ALDOA: variants seen among roughly 807,000 people sequenced by gnomAD.
ALDOA encodes fructose-bisphosphate aldolase A.
In ALDOA, 26 loss-of-function variants were observed where a neutral mutation model predicts 43.9. The ratio of observed to expected loss-of-function variants is 0.59; its 90% confidence interval spans 0.43 to 0.82. The LOEUF is 0.82. Ranked by LOEUF, ALDOA falls within the 40% of genes least tolerant of loss-of-function variation. ALDOA has a pLI of 0.00. For synonymous variants in ALDOA, 258 were observed against 222.6 expected, an observed-to-expected ratio of 1.16 and a Z score of -1.42; for missense variants, 498 against 549.5, an observed-to-expected ratio of 0.91 and a Z score of 0.94.
chr16:30,068,969 C>T lies in ALDOA; in HGVS notation c.693C>T (p.Ile231=). The T allele has an allele frequency of 2.5e-6, 4 of 1,614,256 alleles. No homozygotes were observed. Among genetic ancestry groups the T allele is most frequent in the Non-Finnish European group, 2.5e-6 (3 of 1,180,048 alleles). ...NANVLARYAS[I]CQQNGIVPIV... is the part of the protein sequence containing the mutation. Reference sequence around the variant, plus strand: ...ATGTTCTGGCCCGTTATGCCAGTATCTGCCAGCAGGTGGGCCTGCAGGTCC... The same window carrying T: ...ATGTTCTGGCCCGTTATGCCAGTATTTGCCAGCAGGTGGGCCTGCAGGTCC... Residue 231 remains isoleucine (I), a synonymous_variant, in exon 6 of 10, where the codon ATC becomes ATT. Transcript: ENST00000642816.
At position 30,069,988 on chromosome 16, in the gene ALDOA, A is replaced by T. The variant is rs886051894; in HGVS notation, c.1120A>T (p.Asn374Tyr). ...ALKAWGGKKENLKAAQEEYVK... is the reference protein window; with the variant it reads ...ALKAWGGKKEYLKAAQEEYVK... ...GAAGGCCTGGGGCGGGAAGAAGGAG[A>T]ACCTGAAGGCTGCGCAGGAGGAGTA... The change falls in exon 9 of 10, where the codon AAC becomes TAC. Residue 374 changes from asparagine to tyrosine, a missense_variant. Physicochemically the swap from Asn to Tyr is moderately radical, Grantham distance 143. Transcript: ENST00000642816. The T allele has an allele frequency of 3.1e-6, 5 of 1,613,642 alleles. No homozygotes were observed. Among genetic ancestry groups the T allele is most frequent in the Admixed American group, 1.7e-5 (1 of 60,000 alleles).
At chr16:30,069,234 G>C in intron 6 of ALDOA, 72 bp from the exon 7 acceptor site, 1 of 1,534,212 alleles carries the variant, frequency 6.5e-7, no homozygotes, top group Non-Finnish European at 9.0e-7. Flanking sequence ...GTCTTGACCA[G>C]TGGCTGTGGA....
At position 30,070,167 on chromosome 16, in the gene ALDOA, GGCT is replaced by G. The variant is rs1210316079; in HGVS notation, c.1218_1220del (p.Ala407del). Reference sequence around the variant, plus strand: ...AGTACACTCCGAGCGGTCAGGCTGGGGCTGCTGCCAGCGAGTCCCTCTTCGTCT... The same window carrying G: ...AGTACACTCCGAGCGGTCAGGCTGGGGCTGCCAGCGAGTCCCTCTTCGTCT... On this transcript the variant is annotated inframe_deletion, in exon 10 of 10. Transcript: ENST00000642816. 1 of 1,614,128 alleles carries G rather than the reference GGCT, an allele frequency of 6.2e-7. No homozygotes were observed.
chr16:30,066,864 C>A (rs992170854), intron 1 of ALDOA, 21 bp from the exon 2 acceptor site: 5 of 1,544,918 alleles, frequency 3.2e-6, no homozygotes, highest in African/African-American at 2.7e-5. Context: ...CTAAAATACT[C>A]CGGTTCGGTT....
chr16:30,070,060 CTGGGTGGA>C (rs2072270049), intron 9 of ALDOA, 31 bp downstream of exon 9: 1 of 1,613,556 alleles, frequency 6.2e-7, no homozygotes, highest in South Asian at 1.1e-5. Flanking sequence ...GGCAGGGTGC[CTGGGTGGA>C]TGGGACTCGG....
At position 30,067,045 on chromosome 16, in the gene ALDOA, G is replaced by T. The variant is rs1393385484; in HGVS notation, c.141+7G>T. 5.7e-6 allele frequency: 9 copies of T among 1,577,472 alleles called. No individual in the cohort carries two copies. In the East Asian group the frequency reaches 1.9e-4, roughly 33 times the overall value. On this transcript the variant is annotated splice_region_variant and intron_variant, in intron 2 of 9. Coordinates refer to ENST00000642816, the MANE Select transcript of ALDOA (RefSeq NM_001243177.4). ...CCAGACAGAGTTAGGAAAGGTACAGGGGCAGGCCTAGCAAAGGGAAGTTGG... is the reference window on the plus strand; with the variant it reads ...CCAGACAGAGTTAGGAAAGGTACAGTGGCAGGCCTAGCAAAGGGAAGTTGG...
chr16:30,066,380 T>A (rs953890201), intron 1 of ALDOA: 2 of 153,128 alleles, frequency 1.3e-5, no homozygotes, highest in Non-Finnish European at 2.9e-5. Flanking sequence ...TTTCCCTGTC[T>A]CTCCTTATCG....
At position 30,066,928 on chromosome 16, in the gene ALDOA, T is replaced by C. The variant is rs2072129337; in HGVS notation, c.31T>C (p.Phe11Leu). 1 of 1,550,740 alleles carries C rather than the reference T, an allele frequency of 6.4e-7. No homozygotes were observed. ...AAGGCGCAAGCCAGAAGGGTCCAGC[T>C]TCAACATGACCCACCTGTCCATGGC... is the stretch of plus-strand genomic sequence containing the variant. MARRKPEGSSFNMTHLSMAMA... is the reference protein window; with the variant it reads MARRKPEGSSLNMTHLSMAMA... Residue 11 changes from phenylalanine (F) to leucine (L), a missense_variant, in exon 2 of 10, where the codon TTC (phenylalanine) becomes CTC (leucine). Phe to Leu is a conservative substitution (Grantham distance 22). Transcript: ENST00000642816.
chr16:30,067,501 A>ACCGGCG lies in ALDOA; in HGVS notation c.328_333dup (p.Arg110_Arg111dup). 6.2e-7 allele frequency: 1 copy of ACCGGCG among 1,613,704 alleles called. No individual in the cohort carries two copies. Among genetic ancestry groups the ACCGGCG allele is most frequent in the Non-Finnish European group, 8.5e-7 (1 of 1,180,000 alleles). On this transcript the variant is annotated inframe_insertion, in exon 4 of 10. Transcript: ENST00000642816. ...ATTGGCACCGAGAACACCGAGGAGAACCGGCGCTTCTACCGCCAGCTGCTG... is the reference window on the plus strand; with the variant it reads ...ATTGGCACCGAGAACACCGAGGAGAACCGGCGCCGGCGCTTCTACCGCCAGCTGCTG...
chr16:30,070,214 CG>C lies in ALDOA; in HGVS notation c.*4del. 6.2e-7 allele frequency: 1 copy of C among 1,614,074 alleles called. No individual in the cohort carries two copies. On this transcript the variant is annotated 3_prime_UTR_variant, in exon 10 of 10. Coordinates refer to ENST00000642816, the MANE Select transcript of ALDOA (RefSeq NM_001243177.4). ...TTCGTCTCTAACCACGCCTATTAAG[CG>C]GAGGTGTTCCCAGGCTGCCCCCAAC...
chr16:30,066,938 C>A lies in ALDOA; in HGVS notation c.41C>A (p.Thr14Asn). ...CCAGAAGGGTCCAGCTTCAACATGA[C>A]CCACCTGTCCATGGCTATGGCCTTT... Reference protein sequence around the residue: ...RKPEGSSFNMTHLSMAMAFSF... With the variant: ...RKPEGSSFNMNHLSMAMAFSF... Residue 14 changes from threonine to asparagine, a missense_variant, in exon 2 of 10, where the codon ACC becomes AAC. By Grantham distance (65) the Thr-to-Asn change is moderately conservative. Transcript: ENST00000642816. 1 of 1,550,994 alleles carries A rather than the reference C, an allele frequency of 6.4e-7. No individual in the cohort carries two copies. Among genetic ancestry groups the A allele is most frequent in the Non-Finnish European group, 8.7e-7 (1 of 1,147,194 alleles).
At chr16:30,069,171 C>A in intron 6 of ALDOA, 135 bp from the exon 7 acceptor site, 1 of 1,332,138 alleles carries the variant, frequency 7.5e-7, no homozygotes, top group Non-Finnish European at 1.1e-6. Context: ...CGGCTCTTGT[C>A]TCCTGTAATC....
chr16:30,069,956 C>T lies in ALDOA; in HGVS notation c.1088C>T (p.Ser363Phe). Residue 363 changes from serine (S) to phenylalanine (F), a missense_variant, in exon 9 of 10, where the codon TCT becomes TTT. Coordinates refer to ENST00000642816, the MANE Select transcript of ALDOA (RefSeq NM_001243177.4). ...TCCTACGGCCGAGCCCTGCAGGCCTCTGCCCTGAAGGCCTGGGGCGGGAAG... is the reference window on the plus strand; with the variant it reads ...TCCTACGGCCGAGCCCTGCAGGCCTTTGCCCTGAAGGCCTGGGGCGGGAAG... ...TFSYGRALQA[S>F]ALKAWGGKKE... 1 of 1,614,030 alleles carries T rather than the reference C, an allele frequency of 6.2e-7. No homozygotes were observed. Among genetic ancestry groups the T allele is most frequent in the Non-Finnish European group, 8.5e-7 (1 of 1,180,012 alleles).
Position 30,068,927 on chromosome 16 carries a change from C to A in ALDOA, c.651C>A (p.Ala217=). Residue 217 remains alanine, a synonymous_variant, in exon 6 of 10, where the codon GCC becomes GCA. Transcript: ENST00000642816. The part of the protein sequence containing the change: ...KIGEHTPSAL[A]IMENANVLAR... ...GGGAACACACCCCCTCAGCCCTCGC[C>A]ATCATGGAAAATGCCAATGTTCTGG... The A allele has an allele frequency of 1.9e-6, 3 of 1,614,238 alleles. No homozygotes were observed. Among genetic ancestry groups the A allele is most frequent in the Non-Finnish European group, 2.5e-6 (3 of 1,180,050 alleles).
chr16:30,068,763 A>G, intron 5 of ALDOA, 55 bp from the exon 6 acceptor site: 3 of 1,614,116 alleles, frequency 1.9e-6, no homozygotes, highest in Non-Finnish European at 2.5e-6. Context: ...TGCTGGGAGG[A>G]GTGGAAACCA....
chr16:30,069,409 A>G lies in ALDOA; in HGVS notation c.786+20A>G. ...GAGAAGGTAAATGGCTACCTGCCTG[A>G]CCAGTGCAAGGTGGCTGGCCGGGGA... On this transcript the variant is annotated intron_variant, in intron 7 of 9. Transcript: ENST00000642816. 1 of 1,613,948 alleles carries G rather than the reference A, an allele frequency of 6.2e-7. No individual in the cohort carries two copies. The highest frequency in any genetic ancestry group is 8.5e-7 in the Non-Finnish European group (1 of 1,179,916).
chr16:30,070,043 G>T lies in ALDOA; in HGVS notation c.1161+14G>T, dbSNP rs1489111746. On this transcript the variant is annotated intron_variant, in intron 9 of 9. Transcript: ENST00000642816. ...AAGCGAGCCCTGGTAAGGATAGGCAGGAGGTGGGCAGGGTGCCTGGGTGGA... is the reference window on the plus strand; with the variant it reads ...AAGCGAGCCCTGGTAAGGATAGGCATGAGGTGGGCAGGGTGCCTGGGTGGA... 5 of 1,613,722 alleles carry T rather than the reference G, an allele frequency of 3.1e-6. No individual in the cohort carries two copies. Among genetic ancestry groups the T allele is most frequent in the South Asian group, 1.1e-5 (1 of 91,082 alleles).
chr16:30,065,449 C>T (rs2072064416), upstream of ALDOA, among the ~76,000 whole-genome samples: 3 of 152,234 alleles, frequency 2.0e-5, no homozygotes, highest in Admixed American at 2.0e-4. Context: ...TTCCCCGTTC[C>T]GCCCTCCCCC....
At chr16:30,066,736 T>C in intron 1 of ALDOA, 149 bp from the exon 2 acceptor site, 1 of 842,476 alleles carries the variant, frequency 1.2e-6, no homozygotes, top group Non-Finnish European at 1.8e-6. Flanking sequence ...AGAGCTGGGT[T>C]CTAATCTCAG....
Sources: gnomAD v4.1 joint callset for allele counts (sites outside exome capture counted in the v4.1 genomes callset) on GRCh38, gnomAD v4.1.1 for gene constraint, MANE v1.5 for transcripts, NCBI Gene and HGNC (gene_info 2026-07-23, HGNC 2026-07-21) for gene names.